The following PARD3B variants were observed in gnomAD, a reference collection of about 807,000 sequenced individuals.
PARD3B encodes the protein partitioning defective 3 homolog B.
PARD3B carries 103 observed loss-of-function variants against 130.2 expected under a neutral mutation model. The ratio of observed to expected loss-of-function variants is 0.79; its 90% CI spans 0.67 to 0.93. The LOEUF is 0.93. Ranked by LOEUF, PARD3B falls within the 40% of genes least tolerant of loss-of-function variation. The pLI, the probability that PARD3B is intolerant of heterozygous loss-of-function variation, is 0.00. For missense variants in PARD3B, 1,609 were observed against 1,499.2 expected (o/e 1.07, Z -1.21); for synonymous variants, 583 against 553.2 (o/e 1.05, Z -0.76).
At chr2:204,838,617 T>C (rs1047597627) in intron 2 of PARD3B, among the ~76,000 whole-genome samples, 2 of 151,896 alleles carry the variant, frequency 1.3e-5, no homozygotes, top group African/African-American at 4.8e-5. Context: ...ACATATACAG[T>C]GTGATAGAAG....
rs1186379580 is a variant in PARD3B at position 205,047,486 on chromosome 2, C to T, written c.395-95C>T. 7 of 627,012 alleles carry T rather than the reference C, an allele frequency of 1.1e-5. No individual in the cohort carries two copies. In the East Asian group the frequency reaches 1.5e-4, roughly 14 times the overall value. The allele number at this position is 627,012 out of a possible 1,614,324, so 38.8% of individuals were successfully genotyped here. ...GAAATAGAATGTTTTTACATAAAAG[C>T]CTGTTGTAAACCTTTTAAATTAAAG... On this transcript the variant is annotated intron_variant, in intron 3 of 22. Transcript: ENST00000406610.
In PARD3B at chr2:205,229,999, T is replaced by C. The variant is rs996061029; in HGVS notation, c.2141-15779T>C. Among the ~76,000 whole-genome samples, 94 of 150,880 alleles carry C rather than the reference T, an allele frequency of 6.2e-4. No homozygotes were observed. The highest frequency in any genetic ancestry group is 2.3e-3 in the African/African-American group (93 of 40,988). ...CAGGTCTAAGGACTCTTCAGTCAGC[T>C]CATGGTGAATGCTGCCAGGCCTGGG... On this transcript the variant is annotated intron_variant, in intron 15 of 22. Transcript: ENST00000406610. This position sits in a 1 kb window ranked among gnomAD's most constrained non-coding sequence, Gnocchi z 5.2.
chr2:204,615,121 T>C (rs1165546223), intron 1 of PARD3B, among the ~76,000 whole-genome samples: 1 of 152,210 alleles, frequency 6.6e-6, no homozygotes, highest in Non-Finnish European at 1.5e-5. Flanking sequence ...TTTTAATATG[T>C]TATTTTTCTT....
At chr2:204,732,507 CTTT>C (rs58373732) in intron 2 of PARD3B, among the ~76,000 whole-genome samples, 3 of 144,580 alleles carry the variant, frequency 2.1e-5, no homozygotes, top group Admixed American at 6.9e-5. Flanking sequence ...GTAAGGATAT[CTTT>C]TTTTTTTTTT....
chr2:205,578,445 TA>T (rs139064458), intron 22 of PARD3B, among the ~76,000 whole-genome samples: 2,040 of 152,328 alleles, frequency 0.013, 52 homozygotes, highest in African/African-American at 0.047. Flanking sequence ...GACACATCTA[TA>T]ACCCTACAAT....
intron 2 of PARD3B, among the ~76,000 whole-genome samples, chr2:204,861,159 CCTTTCTCTCTCTCTCT>C (rs2045170552): frequency 1.0e-5 from 1 of 99,546 alleles, no homozygotes; most frequent in Non-Finnish European, 2.1e-5. Context: ...CTACCTAATA[CCTTTCTCTCTCTCTCT>C]CTCTCTCTCT....
At chr2:204,796,878 AT>A (rs1175979633) in intron 2 of PARD3B, among the ~76,000 whole-genome samples, 2 of 152,292 alleles carry the variant, frequency 1.3e-5, no homozygotes, top group East Asian at 3.9e-4. Flanking sequence ...TTGACTGTAC[AT>A]TAAACTATTC....
chr2:205,528,881 A>G (rs1347179976), intron 21 of PARD3B, among the ~76,000 whole-genome samples: 1 of 151,414 alleles, frequency 6.6e-6, no homozygotes, highest in Admixed American at 6.6e-5. Context: ...TTTCTTTGAC[A>G]ATGTTCCAAG....
chr2:204,896,024 C>T (rs1329473989), intron 2 of PARD3B, among the ~76,000 whole-genome samples: 2 of 152,148 alleles, frequency 1.3e-5, no homozygotes, highest in Non-Finnish European at 2.9e-5. Flanking sequence ...TGTGACTTTT[C>T]TTCAACCGTA....
At chr2:205,184,610 C>T (rs1004865970) in intron 13 of PARD3B, among the ~76,000 whole-genome samples, 3 of 151,934 alleles carry the variant, frequency 2.0e-5, no homozygotes, top group African/African-American at 2.4e-5. Flanking sequence ...GGCGTGGTGG[C>T]GAGCGCCTGT....
rs557374467 is a variant in PARD3B, at chr2:204,907,521, C to T, written c.223-57631C>T. ...ATAAATTATTCTTTTCAGGGAATTT[C>T]ACTGTGTCACTCTGGGTGGTAATGC... On this transcript the variant is annotated intron_variant, in intron 2 of 22. Transcript: ENST00000406610. This position sits in a 1 kb window ranked among gnomAD's most constrained non-coding sequence, Gnocchi z 5.7. Among the ~76,000 whole-genome samples, 3 of 152,246 alleles carry T rather than the reference C, an allele frequency of 2.0e-5. No individual in the cohort carries two copies. Among genetic ancestry groups the T allele is most frequent in the Admixed American group, 2.0e-4 (3 of 15,292 alleles).
chr2:205,051,924 T>C (rs1699218171), intron 4 of PARD3B, among the ~76,000 whole-genome samples: 2 of 152,186 alleles, frequency 1.3e-5, no homozygotes, highest in South Asian at 2.1e-4. Flanking sequence ...AATGTGCAAA[T>C]AGTAATAACT....
intron 18 of PARD3B, among the ~76,000 whole-genome samples, chr2:205,359,531 C>T (rs1454408756): frequency 6.6e-6 from 1 of 152,130 alleles, no homozygotes; most frequent in Non-Finnish European, 1.5e-5. Context: ...AAAACTCTTT[C>T]CCTGTTTGAT....
intron 1 of PARD3B, among the ~76,000 whole-genome samples, chr2:204,676,676 T>C (rs1422376796): frequency 1.3e-5 from 2 of 148,498 alleles, no homozygotes; most frequent in Non-Finnish European, 3.0e-5. Flanking sequence ...GTTTTTTTTT[T>C]TTTTTTTTTT....
intron 22 of PARD3B, among the ~76,000 whole-genome samples, chr2:205,602,567 T>C (rs1386506239): frequency 6.6e-6 from 1 of 152,174 alleles, no homozygotes; most frequent in African/African-American, 2.4e-5. Context: ...CATTGGTCTA[T>C]TCAGGGATTC....
chr2:205,085,498 AT>A (rs1701688384), intron 4 of PARD3B, among the ~76,000 whole-genome samples: 1 of 151,984 alleles, frequency 6.6e-6, no homozygotes, highest in Non-Finnish European at 1.5e-5. Context: ...AATTGAGTTT[AT>A]TTTTATGTAA....
chr2:205,409,578 T>A (rs959031415), intron 19 of PARD3B, among the ~76,000 whole-genome samples: 1 of 152,124 alleles, frequency 6.6e-6, no homozygotes. Flanking sequence ...AAAATCCTTT[T>A]ATGGGACTTG....
At chr2:204,822,362 A>G (rs1264139375) in intron 2 of PARD3B, among the ~76,000 whole-genome samples, 1 of 152,312 alleles carries the variant, frequency 6.6e-6, no homozygotes, top group East Asian at 1.9e-4. Context: ...TGGTTTCTTC[A>G]GGTGAGATCT....
chr2:205,368,158 A>C (rs2044677031), intron 18 of PARD3B, among the ~76,000 whole-genome samples: 1 of 152,222 alleles, frequency 6.6e-6, no homozygotes, highest in African/African-American at 2.4e-5. Context: ...ACAAAATAGC[A>C]TACAATACTA....
Sources: allele counts gnomAD v4.1 joint callset (sites outside exome capture counted in the v4.1 genomes callset), GRCh38; gene constraint gnomAD v4.1.1; non-coding constraint Gnocchi (gnomAD v3.1); transcripts MANE v1.5; gene names NCBI Gene and HGNC (gene_info 2026-07-23, HGNC 2026-07-21).